PKNOX2: variants seen among roughly 807,000 people sequenced by gnomAD.
PKNOX2 encodes the protein PBX/knotted 1 homeobox 2.
In PKNOX2, 14 loss-of-function variants were observed where a neutral mutation model predicts 53.1. That is an observed-to-expected ratio of 0.26 (90% CI 0.17 to 0.41). The LOEUF is 0.41. Among genes scored for constraint, PKNOX2 ranks in the 10% least tolerant of loss-of-function variants. PKNOX2 has a pLI of 1.00. For missense variants in PKNOX2, 496 were observed against 602.8 expected (o/e 0.82, Z 1.85); for synonymous variants, 257 against 242.8 (o/e 1.06, Z -0.54).
intron 1 of PKNOX2, among the ~76,000 whole-genome samples, chr11:125,181,764 A>C (rs1037610630): frequency 1.6e-4 from 25 of 152,148 alleles, no homozygotes; most frequent in African/African-American, 6.0e-4. Context: ...AGATCCTCTA[A>C]ATGGTCTCCA....
chr11:125,204,198 G>A (rs1938793003), intron 1 of PKNOX2, among the ~76,000 whole-genome samples: 1 of 152,212 alleles, frequency 6.6e-6, no homozygotes, highest in Non-Finnish European at 1.5e-5. Context: ...AAGAGGAAGT[G>A]TAGTTCATGG....
chr11:125,356,029 ACCC>A lies in PKNOX2; in HGVS notation c.87+4646_87+4648del, dbSNP rs66888533. Among the ~76,000 whole-genome samples, 150 of 89,960 alleles carry A rather than the reference ACCC, an allele frequency of 1.7e-3. 1 individual carries two copies. The South Asian group carries it at 0.043, about 26-fold the overall frequency. 59.0% of individuals were successfully genotyped at this position (89,960 alleles called of 152,430 possible). ...CACAAAACACACTCTCACTATCAGC[ACCC>A]CCCCCCCCACAACTTTTCCTCAAAC... On this transcript the variant is annotated intron_variant, in intron 4 of 12. Coordinates refer to ENST00000298282, the MANE Select transcript of PKNOX2 (RefSeq NM_001382323.2).
chr11:125,351,371 A>C lies in PKNOX2; in HGVS notation c.66A>C (p.Pro22=). 1 of 1,599,042 alleles carries C rather than the reference A, an allele frequency of 6.3e-7. No individual in the cohort carries two copies. The highest frequency in any genetic ancestry group is 8.6e-7 in the Non-Finnish European group (1 of 1,169,116). Residue 22 remains proline, a synonymous_variant, in exon 4 of 13, where the codon CCA becomes CCC. Transcript: ENST00000298282. The part of the protein sequence containing the change: ...TMMATQNVPP[P]PYQDSPQMTA... ...TGGCCACGCAGAATGTCCCGCCCCC[A>C]CCCTACCAGGACAGCCCACAGGTGA... is the stretch of plus-strand genomic sequence containing the variant.
In PKNOX2 at chr11:125,412,789, T is replaced by C. The variant is rs559821458; in HGVS notation, c.936+924T>C. Among the ~76,000 whole-genome samples the C allele has an allele frequency of 3.3e-5, 5 of 152,142 alleles. 1 individual carries two copies. In the South Asian group the frequency reaches 1.0e-3, roughly 32 times the overall value. On this transcript the variant is annotated intron_variant, in intron 10 of 12. Coordinates refer to ENST00000298282, the MANE Select transcript of PKNOX2 (RefSeq NM_001382323.2). ...ACTGAGGATCCATTGGCTGGAGAACTGTGGGAAGAATCAGGAGGAAGAGGA... is the reference window on the plus strand; with the variant it reads ...ACTGAGGATCCATTGGCTGGAGAACCGTGGGAAGAATCAGGAGGAAGAGGA...
intron 1 of PKNOX2, among the ~76,000 whole-genome samples, chr11:125,172,721 T>G (rs972408975): frequency 6.6e-6 from 1 of 152,198 alleles, no homozygotes. Flanking sequence ...CGTGGCTTTG[T>G]GGCTAGGCAA....
At chr11:125,328,347 AAGAG>A (rs1314118903) in intron 2 of PKNOX2, among the ~76,000 whole-genome samples, 9 of 148,696 alleles carry the variant, frequency 6.1e-5, no homozygotes, top group African/African-American at 1.3e-4. Context: ...GAGAGAGAGA[AAGAG>A]AGAGAGTGAG....
chr11:125,201,576 G>T (rs1399976156), intron 1 of PKNOX2, among the ~76,000 whole-genome samples: 1 of 152,148 alleles, frequency 6.6e-6, no homozygotes, highest in Non-Finnish European at 1.5e-5. Context: ...ACCTGTGAAA[G>T]GAAGATTGCG....
At chr11:125,431,103 C>A in intron 12 of PKNOX2, 63 bp from the exon 13 acceptor site, 1 of 1,563,416 alleles carries the variant, frequency 6.4e-7, no homozygotes, top group Non-Finnish European at 8.7e-7. Flanking sequence ...CCCTGTCCAA[C>A]ACAGAGGTGC....
At chr11:125,333,409 G>C (rs1487134581) in intron 3 of PKNOX2, among the ~76,000 whole-genome samples, 2 of 152,148 alleles carry the variant, frequency 1.3e-5, no homozygotes, top group East Asian at 1.9e-4. Flanking sequence ...GTAGAATATG[G>C]GTAACAGGGT....
intron 2 of PKNOX2, among the ~76,000 whole-genome samples, chr11:125,302,084 C>G (rs1268630996): frequency 1.3e-5 from 2 of 152,178 alleles, no homozygotes; most frequent in Non-Finnish European, 2.9e-5. Flanking sequence ...CCTGGAGAAT[C>G]CTGAGTCCAT....
At chr11:125,320,741 C>A (rs1368625819) in intron 2 of PKNOX2, among the ~76,000 whole-genome samples, 1 of 152,152 alleles carries the variant, frequency 6.6e-6, no homozygotes, top group African/African-American at 2.4e-5. Context: ...TGTAAAGATG[C>A]TCTGAGGGTC....
intron 2 of PKNOX2, among the ~76,000 whole-genome samples, chr11:125,298,819 A>C (rs1483047774): frequency 2.0e-5 from 3 of 152,142 alleles, no homozygotes; most frequent in Non-Finnish European, 4.4e-5. Flanking sequence ...CCTGTGGCAC[A>C]CTTGTAGGGC....
chr11:125,282,756 A>C (rs568158150), intron 2 of PKNOX2, among the ~76,000 whole-genome samples: 45 of 152,360 alleles, frequency 3.0e-4, no homozygotes, highest in Admixed American at 2.6e-4. Context: ...CAATGATGGA[A>C]TTGTTCTATG....
chr11:125,374,275 C>A (rs900990403), intron 5 of PKNOX2, among the ~76,000 whole-genome samples: 1 of 151,984 alleles, frequency 6.6e-6, no homozygotes, highest in East Asian at 1.9e-4. Context: ...AAGTTAGGAC[C>A]GGATGCTTCG....
At chr11:125,362,222 A>G (rs990247119) in intron 4 of PKNOX2, among the ~76,000 whole-genome samples, 8 of 152,100 alleles carry the variant, frequency 5.3e-5, no homozygotes, top group African/African-American at 1.7e-4. Context: ...CTCCTCTTCA[A>G]AGAAAAGTAA....
intron 2 of PKNOX2, chr11:125,266,870 CA>C (rs1039646505): frequency 3.9e-5 from 6 of 152,244 alleles, no homozygotes; most frequent in Non-Finnish European, 5.9e-5. Context: ...GAGGAAAGAA[CA>C]GGGGGAAATG....
At chr11:125,369,658 C>T (rs917746113) in intron 5 of PKNOX2, among the ~76,000 whole-genome samples, 2 of 152,152 alleles carry the variant, frequency 1.3e-5, no homozygotes, top group Non-Finnish European at 2.9e-5. Flanking sequence ...ACAGACCCCA[C>T]TAGGTGGAGA....
chr11:125,178,175 C>G (rs1428981024), intron 1 of PKNOX2, among the ~76,000 whole-genome samples: 3 of 152,086 alleles, frequency 2.0e-5, no homozygotes, highest in Admixed American at 6.6e-5. Flanking sequence ...CAGAGAAGGA[C>G]AGTAACTTAC....
chr11:125,311,213 T>C (rs571067452), intron 2 of PKNOX2, among the ~76,000 whole-genome samples: 5 of 152,348 alleles, frequency 3.3e-5, no homozygotes, highest in Non-Finnish European at 7.3e-5. Flanking sequence ...TGGGCTAAGA[T>C]GTGATGTCCA....
Sources: allele counts gnomAD v4.1 joint callset (sites outside exome capture counted in the v4.1 genomes callset), GRCh38; gene constraint gnomAD v4.1.1; transcripts MANE v1.5; gene names NCBI Gene and HGNC (gene_info 2026-07-23, HGNC 2026-07-21).